USPL1: variants seen among roughly 807,000 people sequenced by gnomAD.
USPL1 encodes the protein SUMO-specific isopeptidase USPL1.
USPL1 carries 27 observed loss-of-function variants against 51.5 expected under a neutral mutation model. The ratio of observed to expected loss-of-function variants is 0.52; its 90% CI spans 0.39 to 0.72. USPL1 has a LOEUF of 0.72. USPL1 is among the 30% of genes least tolerant of loss of function. USPL1 has a pLI of 0.00. For missense variants in USPL1, 1,226 were observed against 1,268.0 expected (o/e 0.97, Z 0.50); for synonymous variants, 451 against 459.6 (o/e 0.98, Z 0.24).
At chr13:30,647,360 A>T in intron 7 of USPL1, among the ~76,000 whole-genome samples, 1 of 152,088 alleles carries the variant, frequency 6.6e-6, no homozygotes. Context: ...TGCCAAGTGT[A>T]TGGAGTTTCT....
At chr13:30,647,990 G>A (rs1003834419) in intron 7 of USPL1, among the ~76,000 whole-genome samples, 2 of 152,038 alleles carry the variant, frequency 1.3e-5, no homozygotes, top group Admixed American at 6.5e-5. Context: ...CTATTCTACC[G>A]TAATGCAGTC....
intron 4 of USPL1, among the ~76,000 whole-genome samples, chr13:30,632,524 C>G (rs1323468349): frequency 6.8e-6 from 1 of 147,854 alleles, no homozygotes; most frequent in Non-Finnish European, 1.5e-5. Context: ...AGCAATTCTT[C>G]TGCCTCAGCC....
At chr13:30,627,885 CTTT>C (rs1220449277) in intron 3 of USPL1, among the ~76,000 whole-genome samples, 2 of 150,364 alleles carry the variant, frequency 1.3e-5, no homozygotes, top group African/African-American at 4.9e-5. Context: ...TGTTTCTTTT[CTTT>C]TTTTTTCTTT....
intron 4 of USPL1, among the ~76,000 whole-genome samples, chr13:30,632,205 A>C (rs899876418): frequency 1.3e-5 from 2 of 151,838 alleles, no homozygotes; most frequent in South Asian, 4.2e-4. Context: ...TATGAGTGAG[A>C]ATATATGGTG....
chr13:30,654,345 T>G (rs2137717491), intron 8 of USPL1, among the ~76,000 whole-genome samples: 1 of 149,970 alleles, frequency 6.7e-6, no homozygotes, highest in East Asian at 1.9e-4. Context: ...CTCTCTCTCA[T>G]TCTCTCTCTC....
In USPL1 at chr13:30,658,398, G is replaced by T. The variant is rs1230765687; in HGVS notation, c.2321G>T (p.Cys774Phe). ...ISRGASFMPLCVSAHNRNTIT... is the reference protein window; with the variant it reads ...ISRGASFMPLFVSAHNRNTIT... ...AGGGGTGCTTCTTTTATGCCACTCT[G>T]TGTTTCAGCTCATAATAGAAACACT... is the stretch of plus-strand genomic sequence containing the variant. Residue 774 changes from cysteine to phenylalanine, a missense_variant, in exon 9 of 9, where the codon TGT becomes TTT. By Grantham distance (205) the Cys-to-Phe change is radical (BLOSUM62 -2). Transcript: ENST00000255304. The T allele has an allele frequency of 1.2e-6, 2 of 1,613,644 alleles. No homozygotes were observed. The highest frequency in any genetic ancestry group is 1.7e-6 in the Non-Finnish European group (2 of 1,179,992).
At chr13:30,645,314 A>G (rs897222123) in intron 6 of USPL1, among the ~76,000 whole-genome samples, 2 of 152,224 alleles carry the variant, frequency 1.3e-5, no homozygotes, top group African/African-American at 4.8e-5. Flanking sequence ...TATCTTTGCC[A>G]AATTTACTAA....
chr13:30,621,635 T>A (rs1017109245), intron 2 of USPL1, 129 bp from the exon 3 acceptor site: 16 of 705,904 alleles, frequency 2.3e-5, no homozygotes, highest in Non-Finnish European at 3.0e-5. Context: ...TTGCCATGTT[T>A]AAAATACCTT....
intron 8 of USPL1, among the ~76,000 whole-genome samples, chr13:30,656,011 T>C (rs1951158730): frequency 6.6e-6 from 1 of 152,214 alleles, no homozygotes; most frequent in East Asian, 1.9e-4. Flanking sequence ...TTTGATAAGT[T>C]TCTAATGAAA....
chr13:30,658,073 G>A lies in USPL1; in HGVS notation c.1996G>A (p.Val666Ile). Residue 666 changes from valine (V) to isoleucine (I), a missense_variant, in exon 9 of 9, where the codon GTA (valine) becomes ATA (isoleucine). Val to Ile is a conservative substitution (Grantham distance 29, BLOSUM62 3). Transcript: ENST00000255304. ...SQVVNTNMQS[V>I]QLNTEDTVNT... ...AGTTGTAAATACAAACATGCAGTCA[G>A]TACAGCTGAATACAGAAGATACTGT... is the stretch of plus-strand genomic sequence containing the variant. 1.2e-6 allele frequency: 2 copies of A among 1,613,406 alleles called. No homozygotes were observed. The highest frequency in any genetic ancestry group is 1.7e-6 in the Non-Finnish European group (2 of 1,179,982).
Position 30,637,843 on chromosome 13 carries a change from T to C in USPL1, c.968T>C (p.Leu323Pro). The change falls in exon 5 of 9, where the codon CTT becomes CCT. Residue 323 changes from leucine (L) to proline (P), a missense_variant. Coordinates refer to ENST00000255304, the MANE Select transcript of USPL1 (RefSeq NM_005800.5). ...DEIFISLQPQ[L>P]RCTLGDMESP... ...ATTTTTATTAGCCTTCAGCCCCAGC[T>C]TAGATGCACATTAGGTAAGTAATTG... 6.2e-7 allele frequency: 1 copy of C among 1,613,150 alleles called. No homozygotes were observed. Among genetic ancestry groups the C allele is most frequent in the Non-Finnish European group, 8.5e-7 (1 of 1,179,318 alleles).
chr13:30,628,043 A>ATTTTTTT (rs202119827), intron 3 of USPL1, among the ~76,000 whole-genome samples: 12 of 127,016 alleles, frequency 9.4e-5, no homozygotes, highest in African/African-American at 3.2e-4. Flanking sequence ...TGCCTGGCTA[A>ATTTTTTT]TTTTTTTTTT....
rs1951244310 is a variant in USPL1, at chr13:30,660,440, G to A, written c.*1084G>A. ...CTGAGTCTGCACCCGCACCCAGGAG[G>A]GTGGAGATCTTGCCTGCTCCAAGGC... On this transcript the variant is annotated 3_prime_UTR_variant, in exon 9 of 9. Transcript: ENST00000255304. 6.6e-6 allele frequency: 1 copy of A among 152,280 alleles called. No homozygotes were observed. The allele number at this position is 152,280 out of a possible 1,614,324, so 9.4% of individuals were successfully genotyped here.
intron 5 of USPL1, among the ~76,000 whole-genome samples, chr13:30,639,748 C>T (rs1156883341): frequency 6.6e-6 from 1 of 152,084 alleles, no homozygotes; most frequent in African/African-American, 2.4e-5. Context: ...GAGCTTTTTC[C>T]GTAAGATCCC....
At chr13:30,619,306 A>G (rs1013626581) in intron 1 of USPL1, among the ~76,000 whole-genome samples, 1 of 152,010 alleles carries the variant, frequency 6.6e-6, no homozygotes, top group Non-Finnish European at 1.5e-5. Context: ...TATTAAATGA[A>G]TTTTCTTTTG....
rs970969061 is a variant in USPL1, at chr13:30,657,847, A to G, written c.1770A>G (p.Glu590=). 1 of 1,613,934 alleles carries G rather than the reference A, an allele frequency of 6.2e-7. No individual in the cohort carries two copies. Among genetic ancestry groups the G allele is most frequent in the African/African-American group, 1.3e-5 (1 of 74,958 alleles). ...ATATTTTACCTCTGACACTTGAAGA[A>G]ACTATCCAGAAAACAGCCTCAGTTT... is the stretch of plus-strand genomic sequence containing the variant. The part of the protein sequence containing the change: ...VDNILPLTLE[E]TIQKTASVSQ... The change falls in exon 9 of 9, where the codon GAA becomes GAG. Residue 590 remains glutamate (E), a synonymous_variant. Coordinates refer to ENST00000255304, the MANE Select transcript of USPL1 (RefSeq NM_005800.5).
chr13:30,636,228 T>C (rs1461370816), intron 4 of USPL1, among the ~76,000 whole-genome samples: 2 of 152,196 alleles, frequency 1.3e-5, no homozygotes, highest in Non-Finnish European at 2.9e-5. Context: ...AGAGCAGCAG[T>C]TCAATATTGG....
At chr13:30,639,665 T>C (rs1224520895) in intron 5 of USPL1, among the ~76,000 whole-genome samples, 1 of 152,206 alleles carries the variant, frequency 6.6e-6, no homozygotes, top group Non-Finnish European at 1.5e-5. Flanking sequence ...TATAGGACTC[T>C]GTCACTCTAA....
chr13:30,641,283 TC>T (rs1233574569), intron 5 of USPL1, among the ~76,000 whole-genome samples: 2 of 152,252 alleles, frequency 1.3e-5, no homozygotes, highest in African/African-American at 4.8e-5. Flanking sequence ...TACCTTGTGG[TC>T]CTGCCAAGGT....
Sources: allele counts gnomAD v4.1 joint callset (sites outside exome capture counted in the v4.1 genomes callset), GRCh38; gene constraint gnomAD v4.1.1; transcripts MANE v1.5; gene names NCBI Gene and HGNC (gene_info 2026-07-23, HGNC 2026-07-21).